RNFT2: variants seen among roughly 807,000 people sequenced by gnomAD.
The protein encoded by RNFT2 is E3 ubiquitin-protein ligase RNFT2.
A neutral mutation model predicts 53.0 loss-of-function variants in RNFT2; 36 were observed. The observed-to-expected ratio is 0.68, with a 90% confidence interval of 0.52 to 0.90. The LOEUF is 0.90. Ranked by LOEUF, RNFT2 falls within the 40% of genes least tolerant of loss-of-function variation. RNFT2 has a pLI of 0.00. For synonymous variants in RNFT2, 260 were observed against 253.2 expected (o/e 1.03, Z -0.26); for missense variants, 514 against 585.6 (o/e 0.88, Z 1.26).
chr12:116,847,443 A>G (rs569173268), intron 10 of RNFT2, among the ~76,000 whole-genome samples: 22 of 152,210 alleles, frequency 1.4e-4, no homozygotes, highest in Non-Finnish European at 2.9e-4. Context: ...TGAGGCACAG[A>G]CAGGTTGCAT....
intron 7 of RNFT2, among the ~76,000 whole-genome samples, chr12:116,832,149 ATAT>A (rs1466342042): frequency 1.8e-3 from 56 of 30,342 alleles, no homozygotes; most frequent in Admixed American, 4.2e-3. Flanking sequence ...AAAAAAAAAA[ATAT>A]ATATATATAT....
chr12:116,749,467 ATGGGGTCTCCCTATGTTGCCCAGGC>A (rs1333078741), intron 3 of RNFT2, among the ~76,000 whole-genome samples: 1 of 151,982 alleles, frequency 6.6e-6, no homozygotes, highest in Non-Finnish European at 1.5e-5. Flanking sequence ...TCTTGTAAAG[ATGGGGTCTCCCTATGTTGCCCAGGC>A]TGGTTTTGAA....
At chr12:116,749,639 T>G (rs947155502) in intron 3 of RNFT2, among the ~76,000 whole-genome samples, 1 of 152,102 alleles carries the variant, frequency 6.6e-6, no homozygotes, top group Non-Finnish European at 1.5e-5. Flanking sequence ...AGTGACTTCA[T>G]TTTAACTTCA....
intron 3 of RNFT2, chr12:116,748,790 G>A (rs1872032214): frequency 2.8e-6 from 1 of 361,950 alleles, no homozygotes; most frequent in Non-Finnish European, 5.6e-6. Flanking sequence ...TCAACGAAGT[G>A]TGCTGGTTAC....
Position 116,814,985 on chromosome 12 carries a change from G to A in RNFT2, c.883-18807G>A, listed in dbSNP as rs143405309. ...TCCTGACCTCAGGTGACCCGCCTGC[G>A]TCGGCCTCCCAAAGTGCTGGGATTA... On this transcript the variant is annotated intron_variant, in intron 7 of 10. Coordinates refer to ENST00000257575, the MANE Select transcript of RNFT2 (RefSeq NM_001382266.1). 5.3e-5 allele frequency among the ~76,000 whole-genome samples: 8 copies of A among 152,190 alleles called. No individual in the cohort carries two copies. In the East Asian group the frequency reaches 9.7e-4, roughly 18 times the overall value.
chr12:116,806,397 T>TATATATAGATAGATAG (rs1166246066), intron 7 of RNFT2, among the ~76,000 whole-genome samples: 2 of 131,652 alleles, frequency 1.5e-5, no homozygotes, highest in African/African-American at 6.0e-5. Context: ...TATATATATA[T>TATATATAGATAGATAG]ATAGATAGAT....
At chr12:116,803,391 A>G (rs1014743270) in intron 7 of RNFT2, among the ~76,000 whole-genome samples, 1 of 152,194 alleles carries the variant, frequency 6.6e-6, no homozygotes, top group African/African-American at 2.4e-5. Flanking sequence ...TATTTCAACT[A>G]TACAGAAAAT....
chr12:116,797,051 A>G (rs1050855684), intron 7 of RNFT2, among the ~76,000 whole-genome samples: 3 of 152,196 alleles, frequency 2.0e-5, no homozygotes, highest in Non-Finnish European at 4.4e-5. Flanking sequence ...ACAGCCCTCT[A>G]CTGCAACCCA....
At chr12:116,781,646 C>A (rs1566079352) in intron 7 of RNFT2, among the ~76,000 whole-genome samples, 1 of 152,114 alleles carries the variant, frequency 6.6e-6, no homozygotes, top group Non-Finnish European at 1.5e-5. Flanking sequence ...GATTCTCGCC[C>A]TCCTGCCTTC....
chr12:116,769,437 C>T (rs1873074482), intron 6 of RNFT2, among the ~76,000 whole-genome samples: 1 of 152,140 alleles, frequency 6.6e-6, no homozygotes, highest in African/African-American at 2.4e-5. Flanking sequence ...GGTGTTATTG[C>T]CCCTGAAGAT....
At position 116,740,503 on chromosome 12, in the gene RNFT2, G is replaced by T. The variant is rs374588096; in HGVS notation, c.6G>T (p.Trp2Cys). Reference sequence around the variant, plus strand: ...AACATGGAGTTCTGAAGTCCATGTGGCTCTTCACAGTGAATCAGGTGACAC... The same window carrying T: ...AACATGGAGTTCTGAAGTCCATGTGTCTCTTCACAGTGAATCAGGTGACAC... MWLFTVNQVLRK... is the reference protein window; with the variant it reads MCLFTVNQVLRK... The change falls in exon 2 of 11, where the codon TGG becomes TGT. Residue 2 changes from tryptophan (W) to cysteine (C), a missense_variant. By Grantham distance (215) the Trp-to-Cys change is radical. Around this residue, in one of 3 missense-constraint regions of RNFT2, gnomAD observed 237 missense variants for 235.1 expected, o/e 1.01. Transcript: ENST00000257575. The T allele has an allele frequency of 5.1e-6, 8 of 1,573,646 alleles. No homozygotes were observed. In the African/African-American group the frequency reaches 1.1e-4, roughly 21 times the overall value.
At chr12:116,765,626 G>A (rs1252189178) in intron 5 of RNFT2, among the ~76,000 whole-genome samples, 2 of 152,244 alleles carry the variant, frequency 1.3e-5, no homozygotes, top group African/African-American at 4.8e-5. Flanking sequence ...GCCCCCCTTT[G>A]CATCTCCTTC....
chr12:116,785,058 G>A (rs1592956726), intron 7 of RNFT2, among the ~76,000 whole-genome samples: 2 of 152,092 alleles, frequency 1.3e-5, no homozygotes, highest in Non-Finnish European at 2.9e-5. Flanking sequence ...CCAGCATCAC[G>A]CCCTGACACG....
intron 7 of RNFT2, among the ~76,000 whole-genome samples, chr12:116,811,173 G>C (rs1875353985): frequency 6.6e-6 from 1 of 152,122 alleles, no homozygotes; most frequent in South Asian, 2.1e-4. Flanking sequence ...GGAAGGCTGA[G>C]GTGGGAGGAT....
At chr12:116,804,548 T>C (rs529887675) in intron 7 of RNFT2, among the ~76,000 whole-genome samples, 1 of 152,368 alleles carries the variant, frequency 6.6e-6, no homozygotes, top group South Asian at 2.1e-4. Flanking sequence ...TTTACCATTA[T>C]GTATATTACA....
chr12:116,792,399 C>G (rs1268146562), intron 7 of RNFT2, among the ~76,000 whole-genome samples: 1 of 152,050 alleles, frequency 6.6e-6, no homozygotes, highest in Non-Finnish European at 1.5e-5. Flanking sequence ...CTAAACCATT[C>G]ACATAAAATT....
intron 7 of RNFT2, among the ~76,000 whole-genome samples, chr12:116,782,665 T>G (rs556430555): frequency 6.6e-6 from 1 of 152,310 alleles, no homozygotes; most frequent in Admixed American, 6.5e-5. Context: ...GTCAATGCTA[T>G]TCCTTGTACT....
intron 7 of RNFT2, among the ~76,000 whole-genome samples, chr12:116,824,523 A>G (rs900747000): frequency 6.6e-6 from 1 of 152,206 alleles, no homozygotes; most frequent in Non-Finnish European, 1.5e-5. Flanking sequence ...CACCAGCTCT[A>G]GGGTGTGGGA....
intron 7 of RNFT2, among the ~76,000 whole-genome samples, chr12:116,830,680 T>A (rs773037369): frequency 2.0e-5 from 3 of 152,008 alleles, no homozygotes; most frequent in Non-Finnish European, 4.4e-5. Flanking sequence ...TGAAGTGAAG[T>A]AGGTGGATCA....
Sources: gnomAD v4.1 joint callset for allele counts (sites outside exome capture counted in the v4.1 genomes callset) on GRCh38, gnomAD v4.1.1 for gene constraint, gnomAD v4.1.1 regional missense constraint, MANE v1.5 for transcripts, NCBI Gene and HGNC (gene_info 2026-07-23, HGNC 2026-07-21) for gene names.